The following TRHDE variants were observed in gnomAD, a reference collection of about 807,000 sequenced individuals.
TRHDE encodes the protein thyrotropin-releasing hormone-degrading ectoenzyme.
Under a neutral mutation model 125.7 loss-of-function variants are expected in TRHDE, and 72 were observed. The ratio of observed to expected loss-of-function variants is 0.57; its 90% CI spans 0.47 to 0.70. The LOEUF (loss-of-function observed/expected upper bound fraction) is 0.70. Among genes scored for constraint, TRHDE ranks in the 30% least tolerant of loss-of-function variants. TRHDE has a pLI of 0.00. For synonymous variants in TRHDE, 509 were observed against 509.1 expected (o/e 1.00, Z 0.00); for missense variants, 1,110 against 1,327.1 (o/e 0.84, Z 2.54).
At chr12:72,372,236 G>T (rs1419971335) in intron 2 of TRHDE, among the ~76,000 whole-genome samples, 3 of 151,964 alleles carry the variant, frequency 2.0e-5, no homozygotes, top group Non-Finnish European at 2.9e-5. Context: ...TTTCGATGGG[G>T]TTGTTTTTTT....
intron 5 of TRHDE, among the ~76,000 whole-genome samples, chr12:72,481,207 C>T: frequency 6.6e-6 from 1 of 151,684 alleles, no homozygotes; most frequent in East Asian, 1.9e-4. Context: ...TGTCTCAGTC[C>T]ATAACACTTT....
At chr12:72,577,129 AG>A (rs1039111732) in intron 12 of TRHDE, among the ~76,000 whole-genome samples, 3 of 152,154 alleles carry the variant, frequency 2.0e-5, no homozygotes, top group Non-Finnish European at 2.9e-5. Flanking sequence ...GCAAGCCAGA[AG>A]GATAATGTAT....
At chr12:72,361,793 A>G (rs2135752371) in intron 2 of TRHDE, among the ~76,000 whole-genome samples, 1 of 140,540 alleles carries the variant, frequency 7.1e-6, no homozygotes, top group East Asian at 2.1e-4. Flanking sequence ...ATTCCCACCT[A>G]TGAGTGAGAA....
intron 3 of TRHDE, among the ~76,000 whole-genome samples, chr12:72,402,611 C>T (rs904699954): frequency 6.6e-6 from 1 of 152,202 alleles, no homozygotes; most frequent in Admixed American, 6.5e-5. Flanking sequence ...ATGATATCAT[C>T]TTAAGTTGAT....
intron 12 of TRHDE, among the ~76,000 whole-genome samples, chr12:72,603,777 G>GTT (rs977180672): frequency 2.0e-5 from 3 of 151,398 alleles, no homozygotes; most frequent in African/African-American, 7.3e-5. Flanking sequence ...AAAAAACAAT[G>GTT]TAAGTATACA....
intron 3 of TRHDE, among the ~76,000 whole-genome samples, chr12:72,442,049 A>T (rs1193916507): frequency 1.2e-4 from 18 of 151,798 alleles, no homozygotes; most frequent in Admixed American, 1.1e-3. Flanking sequence ...ATTTAGAGTA[A>T]CATTTCACCT....
At chr12:72,328,349 A>T (rs1869434452) in intron 2 of TRHDE, among the ~76,000 whole-genome samples, 1 of 152,208 alleles carries the variant, frequency 6.6e-6, no homozygotes, top group Non-Finnish European at 1.5e-5. Context: ...AGGTCACCTT[A>T]CTACAATTTA....
intron 2 of TRHDE, among the ~76,000 whole-genome samples, chr12:72,126,100 C>A (rs76624690): frequency 6.6e-6 from 1 of 152,084 alleles, no homozygotes; most frequent in Admixed American, 6.6e-5. Context: ...AAAGAATCAT[C>A]AAAAATAATT....
intron 3 of TRHDE, among the ~76,000 whole-genome samples, chr12:72,453,480 A>C (rs542676078): frequency 6.6e-6 from 1 of 152,326 alleles, no homozygotes; most frequent in East Asian, 1.9e-4. Context: ...GTAGAATGTA[A>C]ATTTTGGAAA....
At chr12:72,106,796 T>G (rs1875197315) in intron 2 of TRHDE, among the ~76,000 whole-genome samples, 1 of 152,160 alleles carries the variant, frequency 6.6e-6, no homozygotes, top group Non-Finnish European at 1.5e-5. Flanking sequence ...CCATTTGCCA[T>G]ATACTATTCT....
intron 17 of TRHDE, among the ~76,000 whole-genome samples, chr12:72,655,623 T>G (rs988292800): frequency 6.6e-6 from 1 of 152,150 alleles, no homozygotes; most frequent in Non-Finnish European, 1.5e-5. Context: ...ACGTGGAAAT[T>G]ATCTGATTAC....
At chr12:72,521,068 C>T (rs1211420353) in intron 6 of TRHDE, among the ~76,000 whole-genome samples, 1 of 152,156 alleles carries the variant, frequency 6.6e-6, no homozygotes, top group Non-Finnish European at 1.5e-5. Context: ...CCAAATTCTG[C>T]CCTGTGTGTG....
intron 1 of TRHDE, chr12:72,105,530 A>T (rs1566217751): frequency 1.3e-5 from 2 of 152,168 alleles, no homozygotes; most frequent in African/African-American, 4.8e-5. Flanking sequence ...TAATATAATA[A>T]TGGTAATAAT....
intron 12 of TRHDE, among the ~76,000 whole-genome samples, chr12:72,615,291 G>T (rs530414535): frequency 6.6e-6 from 1 of 152,014 alleles, no homozygotes; most frequent in East Asian, 1.9e-4. Context: ...ATTTTTGTTA[G>T]CAATATTTCC....
intron 5 of TRHDE, among the ~76,000 whole-genome samples, chr12:72,493,819 C>T (rs1414932992): frequency 4.6e-5 from 7 of 152,064 alleles, no homozygotes; most frequent in Non-Finnish European, 2.9e-5. Context: ...TTCTGCCATT[C>T]CTCCTAGAAA....
rs180981642 is a variant in TRHDE, at chr12:72,191,909, G to A, written n.279+86157G>A. ...AACAGAATCCTCCCACTGAAGTTGA[G>A]CAGTAGTATAAACATAAGTAAAAGC... is the stretch of plus-strand genomic sequence containing the variant. On this transcript the variant is annotated intron_variant and non_coding_transcript_variant, in intron 2 of 4. Coordinates refer to the TRHDE transcript ENST00000548156. 1.5e-3 allele frequency among the ~76,000 whole-genome samples: 233 copies of A among 152,234 alleles called. 4 individuals carry two copies. The highest frequency in any genetic ancestry group is 4.3e-4 in the Non-Finnish European group (29 of 67,986).
intron 3 of TRHDE, among the ~76,000 whole-genome samples, chr12:72,407,570 T>C (rs1054893081): frequency 1.3e-5 from 2 of 152,148 alleles, no homozygotes; most frequent in Admixed American, 1.3e-4. Flanking sequence ...AAGTGCTGCA[T>C]ACAATAGAAA....
chr12:72,538,854 C>CAGTT (rs945412766), intron 6 of TRHDE, among the ~76,000 whole-genome samples: 67 of 152,012 alleles, frequency 4.4e-4, no homozygotes, highest in African/African-American at 1.3e-3. Flanking sequence ...TGGAGTATCA[C>CAGTT]AGTTAAGTCC....
intron 2 of TRHDE, among the ~76,000 whole-genome samples, chr12:72,106,461 C>T (rs866065063): frequency 2.0e-5 from 3 of 151,882 alleles, no homozygotes; most frequent in Non-Finnish European, 2.9e-5. Flanking sequence ...AGAAAGACAA[C>T]GAATGAGATT....
Sources: allele counts gnomAD v4.1 joint callset (sites outside exome capture counted in the v4.1 genomes callset), GRCh38; gene constraint gnomAD v4.1.1; transcripts MANE v1.5; gene names NCBI Gene and HGNC (gene_info 2026-07-23, HGNC 2026-07-21).